Variants in PCDHA10 observed in about 807,000 individuals in gnomAD.
PCDHA10 encodes protocadherin alpha-10.
In PCDHA10, 45 loss-of-function variants were observed where a neutral mutation model predicts 61.2. The observed-to-expected ratio is 0.74, with a 90% CI of 0.58 to 0.94. PCDHA10 has a LOEUF of 0.94. PCDHA10 is among the 40% of genes least tolerant of loss of function. The pLI is 0.00. For missense variants in PCDHA10, 1,278 were observed against 1,236.2 expected, an observed-to-expected ratio of 1.03 and a Z score of -0.51; for synonymous variants, 602 against 548.8, an observed-to-expected ratio of 1.10 and a Z score of -1.35.
intron 1 of PCDHA10, among the ~76,000 whole-genome samples, chr5:140,905,419 C>T (rs2071826794): frequency 6.6e-6 from 1 of 152,158 alleles, no homozygotes; most frequent in South Asian, 2.1e-4. Flanking sequence ...CAGTACCATG[C>T]TGGTTTGATA....
At chr5:140,864,034 T>C (rs2048289814) in intron 1 of PCDHA10, 1 of 153,038 alleles carries the variant, frequency 6.5e-6, no homozygotes, top group African/African-American at 2.4e-5. Flanking sequence ...CTAGCCATCT[T>C]AATCACTTTT....
chr5:140,987,149 G>A (rs1380803903), intron 3 of PCDHA10, among the ~76,000 whole-genome samples: 1 of 151,884 alleles, frequency 6.6e-6, no homozygotes, highest in African/African-American at 2.4e-5. Context: ...GGGAGGTGGA[G>A]GTTGCAGTGA....
intron 1 of PCDHA10, chr5:140,884,024 G>A: frequency 6.2e-7 from 1 of 1,613,318 alleles, no homozygotes; most frequent in Non-Finnish European, 8.5e-7. Flanking sequence ...GCGGTCGGTG[G>A]GTGCAGGCCA....
At chr5:140,964,548 G>C (rs1468417797) in intron 1 of PCDHA10, among the ~76,000 whole-genome samples, 1 of 152,102 alleles carries the variant, frequency 6.6e-6, no homozygotes, top group East Asian at 1.9e-4. Context: ...AGATGGCAGC[G>C]ACTTGGAGGG....
At chr5:140,870,077 G>T (rs2051636689) in intron 1 of PCDHA10, 1 of 1,613,688 alleles carries the variant, frequency 6.2e-7, no homozygotes, top group African/African-American at 1.3e-5. Context: ...ACAGATAAGG[G>T]GACTCCCCCA....
chr5:140,983,146 G>T (rs894953025), intron 3 of PCDHA10, among the ~76,000 whole-genome samples: 3 of 152,140 alleles, frequency 2.0e-5, no homozygotes, highest in Non-Finnish European at 4.4e-5. Flanking sequence ...TAGTGCCTTG[G>T]CATGCATGTT....
intron 1 of PCDHA10, among the ~76,000 whole-genome samples, chr5:140,950,807 A>G (rs2094520743): frequency 6.6e-6 from 1 of 152,104 alleles, no homozygotes; most frequent in African/African-American, 2.4e-5. Context: ...TGGTTTTACC[A>G]TAGTAGGGTT....
chr5:140,969,264 C>T, intron 1 of PCDHA10: 1 of 1,614,208 alleles, frequency 6.2e-7, no homozygotes, highest in Non-Finnish European at 8.5e-7. Flanking sequence ...AGGAATCTCA[C>T]AGGCCAAAGT....
At chr5:140,944,171 GT>G (rs1250322343) in intron 1 of PCDHA10, among the ~76,000 whole-genome samples, 1 of 152,008 alleles carries the variant, frequency 6.6e-6, no homozygotes, top group Non-Finnish European at 1.5e-5. Context: ...GCCAAGGCTG[GT>G]TTTTTGTTGG....
chr5:140,920,456 T>C (rs2079640226), intron 1 of PCDHA10, among the ~76,000 whole-genome samples: 1 of 152,192 alleles, frequency 6.6e-6, no homozygotes, highest in African/African-American at 2.4e-5. Flanking sequence ...AATTGACAAA[T>C]TTGTTATATT....
intron 1 of PCDHA10, chr5:140,869,197 C>T: frequency 6.2e-7 from 1 of 1,614,026 alleles, no homozygotes; most frequent in Non-Finnish European, 8.5e-7. Context: ...CGGCCAGCTC[C>T]ACTACTCCGT....
intron 1 of PCDHA10, among the ~76,000 whole-genome samples, chr5:140,919,511 G>A (rs782614998): frequency 1.3e-5 from 2 of 151,848 alleles, no homozygotes; most frequent in Non-Finnish European, 2.9e-5. Flanking sequence ...TTTTCTATAT[G>A]TTTTAATTCT....
intron 1 of PCDHA10, chr5:140,870,613 T>C (rs1562647895): frequency 1.2e-6 from 2 of 1,613,078 alleles, no homozygotes; most frequent in Non-Finnish European, 1.7e-6. Flanking sequence ...CCGCGCGCTG[T>C]CGAGCTACGT....
chr5:140,879,468 C>T (rs1302590030), intron 1 of PCDHA10, among the ~76,000 whole-genome samples: 2 of 152,006 alleles, frequency 1.3e-5, no homozygotes, highest in African/African-American at 4.8e-5. Context: ...AAGAGAATAC[C>T]GTTGTGATTG....
At chr5:140,875,600 C>A (rs2055640130) in intron 1 of PCDHA10, 5 of 1,613,766 alleles carry the variant, frequency 3.1e-6, no homozygotes, top group African/African-American at 1.3e-5. Flanking sequence ...AAACACGGCA[C>A]CTTCGTGGGC....
chr5:140,905,493 T>C (rs185992010), intron 1 of PCDHA10, among the ~76,000 whole-genome samples: 10 of 152,288 alleles, frequency 6.6e-5, no homozygotes, highest in Non-Finnish European at 1.5e-4. Context: ...CTTCTTTTTG[T>C]TTTGTATTGC....
intron 1 of PCDHA10, chr5:140,883,287 T>A: frequency 6.2e-7 from 1 of 1,613,984 alleles, no homozygotes; most frequent in Non-Finnish European, 8.5e-7. Context: ...TTGGTGGAAG[T>A]ACTAGATGTA....
At chr5:140,869,878 A>G in intron 1 of PCDHA10, 1 of 1,610,122 alleles carries the variant, frequency 6.2e-7, no homozygotes, top group Non-Finnish European at 8.5e-7. Flanking sequence ...TGCTAAAGAA[A>G]CTCTTGTGCT....
chr5:140,976,171 A>T (rs1356953697), intron 1 of PCDHA10, among the ~76,000 whole-genome samples: 1 of 152,218 alleles, frequency 6.6e-6, no homozygotes, highest in African/African-American at 2.4e-5. Flanking sequence ...TTAGTTTTGT[A>T]TTGTTTTAAA....
Sources: gnomAD v4.1 joint callset for allele counts (sites outside exome capture counted in the v4.1 genomes callset) on GRCh38, gnomAD v4.1.1 for gene constraint, MANE v1.5 for transcripts, NCBI Gene and HGNC (gene_info 2026-07-23, HGNC 2026-07-21) for gene names.